SBF2: variants seen among roughly 807,000 people sequenced by gnomAD.
SBF2 encodes the protein myotubularin-related protein 13.
In SBF2, 112 loss-of-function variants were observed where a neutral mutation model predicts 225.2. That is an observed-to-expected ratio of 0.50 (90% CI 0.43 to 0.58). The LOEUF is 0.58. SBF2 is among the 20% of genes least tolerant of loss of function. The pLI, the probability that SBF2 is intolerant of heterozygous loss-of-function variation, is 0.00. For synonymous variants in SBF2, 763 were observed against 773.3 expected (o/e 0.99, Z 0.22); for missense variants, 1,996 against 2,206.2 (o/e 0.90, Z 1.91).
chr11:10,282,676 T>C (rs1325932924), intron 1 of SBF2, among the ~76,000 whole-genome samples: 1 of 152,184 alleles, frequency 6.6e-6, no homozygotes, highest in Non-Finnish European at 1.5e-5. Context: ...CTAGCATCCA[T>C]ACCTTCCTTG....
chr11:10,259,503 T>C (rs1048775405), intron 1 of SBF2, among the ~76,000 whole-genome samples: 4 of 152,236 alleles, frequency 2.6e-5, no homozygotes, highest in African/African-American at 9.6e-5. Context: ...ATCCTATTTC[T>C]AGATGTAAAC....
intron 17 of SBF2, among the ~76,000 whole-genome samples, chr11:9,879,522 C>G (rs1056547772): frequency 6.6e-6 from 1 of 152,122 alleles, no homozygotes; most frequent in African/African-American, 2.4e-5. Context: ...ATCGGTTTTG[C>G]CATTTGCCAG....
chr11:9,831,777 C>T (rs1855414466), intron 27 of SBF2, among the ~76,000 whole-genome samples: 1 of 152,194 alleles, frequency 6.6e-6, no homozygotes, highest in Non-Finnish European at 1.5e-5. Flanking sequence ...CATTAGTTTG[C>T]TGTCTTGTGT....
intron 1 of SBF2, among the ~76,000 whole-genome samples, chr11:10,217,911 C>T (rs1988725): frequency 0.62 from 94,124 of 150,758 alleles, 30,343 homozygotes; most frequent in East Asian, 0.97. Flanking sequence ...ATCTTTTTTT[C>T]TTCTTTGAGA....
intron 2 of SBF2, among the ~76,000 whole-genome samples, chr11:10,162,530 T>C (rs1380501453): frequency 6.6e-6 from 1 of 152,154 alleles, no homozygotes; most frequent in Non-Finnish European, 1.5e-5. Flanking sequence ...TAAAAAGATA[T>C]CAGAATGCAG....
At chr11:10,008,447 T>C (rs1485507619) in intron 6 of SBF2, among the ~76,000 whole-genome samples, 1 of 152,204 alleles carries the variant, frequency 6.6e-6, no homozygotes, top group East Asian at 1.9e-4. Flanking sequence ...AACAGTTGCC[T>C]TGGTCTTTTA....
intron 2 of SBF2, among the ~76,000 whole-genome samples, chr11:10,167,654 T>TAC (rs147274372): frequency 0.074 from 11,333 of 152,274 alleles, 604 homozygotes; most frequent in East Asian, 0.28. Context: ...AAAGCTATTT[T>TAC]ACCTAGATCA....
intron 1 of SBF2, among the ~76,000 whole-genome samples, chr11:10,219,656 C>A (rs374596723): frequency 6.6e-6 from 1 of 152,136 alleles, no homozygotes; most frequent in African/African-American, 2.4e-5. Context: ...GAATGCTCTG[C>A]CGCTTAGAAA....
At chr11:10,191,709 C>T (rs1297418207) in intron 2 of SBF2, among the ~76,000 whole-genome samples, 1 of 152,140 alleles carries the variant, frequency 6.6e-6, no homozygotes, top group African/African-American at 2.4e-5. Flanking sequence ...GCACATGACT[C>T]CACTTATTGG....
At chr11:10,195,752 CCA>C (rs1481407790) in intron 1 of SBF2, among the ~76,000 whole-genome samples, 2 of 152,058 alleles carry the variant, frequency 1.3e-5, no homozygotes, top group Non-Finnish European at 2.9e-5. Context: ...CGAGGTCAAA[CCA>C]AAATCCATTT....
At chr11:10,139,181 T>TA (rs1954529005) in intron 2 of SBF2, among the ~76,000 whole-genome samples, 1 of 152,216 alleles carries the variant, frequency 6.6e-6, no homozygotes, top group African/African-American at 2.4e-5. Flanking sequence ...AAAAATTACT[T>TA]ATTTTTGGGA....
rs755578344 is a variant in SBF2 at position 9,850,040 on chromosome 11, G to T, written c.2789C>A (p.Thr930Lys). The change falls in exon 22 of 40, where the codon ACA becomes AAA. Residue 930 changes from threonine (T) to lysine (K), a missense_variant. Coordinates refer to ENST00000256190, the MANE Select transcript of SBF2 (RefSeq NM_030962.4). ...LTTYRILFRG[T>K]PHDQLVGEQT... ...AGTCATACCTAACTGATCATGGGGT[G>T]TTCCTCTGAAGAGAATTCTGTATGT... 3.1e-6 allele frequency: 5 copies of T among 1,614,022 alleles called. No individual in the cohort carries two copies. Among genetic ancestry groups the T allele is most frequent in the Non-Finnish European group, 4.2e-6 (5 of 1,179,956 alleles).
intron 16 of SBF2, among the ~76,000 whole-genome samples, chr11:9,906,095 C>T (rs1862094423): frequency 6.6e-6 from 1 of 152,132 alleles, no homozygotes; most frequent in Non-Finnish European, 1.5e-5. Context: ...TATTCCTCAC[C>T]CCCTTAGGAC....
chr11:10,260,005 T>C (rs945947814), intron 1 of SBF2, among the ~76,000 whole-genome samples: 2 of 152,208 alleles, frequency 1.3e-5, no homozygotes, highest in Non-Finnish European at 2.9e-5. Context: ...TATATTCGAA[T>C]AGTTATTTGC....
chr11:10,254,057 G>C (rs1960622178), intron 1 of SBF2, among the ~76,000 whole-genome samples: 1 of 152,148 alleles, frequency 6.6e-6, no homozygotes, highest in Non-Finnish European at 1.5e-5. Context: ...AATTAGTACA[G>C]TTATTATGGA....
chr11:10,120,216 C>T (rs1366115054), intron 2 of SBF2, among the ~76,000 whole-genome samples: 1 of 152,176 alleles, frequency 6.6e-6, no homozygotes, highest in East Asian at 1.9e-4. Flanking sequence ...TTGTTTCACA[C>T]AGCATAATGT....
upstream of SBF2, chr11:10,294,297 G>A (rs985650420): frequency 3.6e-5 from 13 of 356,576 alleles, no homozygotes; most frequent in African/African-American, 2.6e-4. Flanking sequence ...CCCGGGCGGC[G>A]AGCCCACCTC....
intron 13 of SBF2, among the ~76,000 whole-genome samples, chr11:9,972,588 C>T (rs1470224572): frequency 1.3e-5 from 2 of 152,212 alleles, no homozygotes; most frequent in Admixed American, 1.3e-4. Flanking sequence ...TCAAGTGATT[C>T]TTCTGCCTCA....
intron 3 of SBF2, among the ~76,000 whole-genome samples, chr11:10,032,292 C>A (rs139562006): frequency 2.0e-5 from 3 of 152,252 alleles, no homozygotes; most frequent in African/African-American, 4.8e-5. Context: ...TGTCAACAAA[C>A]CCTGATTTCT....
Sources: gnomAD v4.1 joint callset for allele counts (sites outside exome capture counted in the v4.1 genomes callset) on GRCh38, gnomAD v4.1.1 for gene constraint, MANE v1.5 for transcripts, NCBI Gene and HGNC (gene_info 2026-07-23, HGNC 2026-07-21) for gene names.